ZNF611: variants seen among roughly 807,000 people sequenced by gnomAD.
ZNF611 encodes the protein zinc finger protein 611.
ZNF611 carries 6 observed loss-of-function variants against 8.9 expected under a neutral mutation model. The observed-to-expected ratio is 0.68, with a 90% CI of 0.37 to 1.34. The LOEUF is 1.34. Among genes scored for constraint, ZNF611 ranks in the 40% most tolerant of loss-of-function variants. ZNF611 has a pLI of 0.02. For synonymous variants in ZNF611, 262 were observed against 279.7 expected (o/e 0.94, Z 0.63); for missense variants, 874 against 841.3 (o/e 1.04, Z -0.48).
At chr19:52,721,504 C>A (rs956277133) in intron 3 of ZNF611, among the ~76,000 whole-genome samples, 1 of 152,232 alleles carries the variant, frequency 6.6e-6, no homozygotes, top group African/African-American at 2.4e-5. Flanking sequence ...CATGGCGAAA[C>A]CCCGTCTCCA....
At position 52,705,722 on chromosome 19, in the gene ZNF611, G is replaced by A. The variant is rs1356239157; in HGVS notation, c.1333C>T (p.His445Tyr). 6.2e-7 allele frequency: 1 copy of A among 1,613,892 alleles called. No homozygotes were observed. Among genetic ancestry groups the A allele is most frequent in the African/African-American group, 1.3e-5 (1 of 74,900 alleles). Residue 445 changes from histidine to tyrosine, a missense_variant, in exon 6 of 6, where the codon CAT (histidine) becomes TAT (tyrosine). Transcript: ENST00000652185. The stretch of plus-strand genomic sequence containing the variant: ...GATTTCTCTCCACCATGAAGTCTAT[G>A]ATGGCATACAAGGGATGACTTGTGA... ...FSHKSSLVCHHRLHGGEKSYK... is the reference protein window; with the variant it reads ...FSHKSSLVCHYRLHGGEKSYK...
At chr19:52,711,348 A>G (rs2062278393) in intron 5 of ZNF611, 1 of 118,814 alleles carries the variant, frequency 8.4e-6, no homozygotes, top group Admixed American at 7.7e-5. Context: ...AAACAAAACT[A>G]AACAAAAAAC....
At chr19:52,711,778 G>A (rs1017655178) in intron 5 of ZNF611, among the ~76,000 whole-genome samples, 12 of 152,148 alleles carry the variant, frequency 7.9e-5, no homozygotes, top group African/African-American at 2.9e-4. Context: ...TAGTGTTGGA[G>A]GGGAGGGGCT....
chr19:52,727,232 C>T (rs2062398767), intron 3 of ZNF611, among the ~76,000 whole-genome samples: 1 of 151,824 alleles, frequency 6.6e-6, no homozygotes, highest in African/African-American at 2.4e-5. Flanking sequence ...AGAGTCTTGC[C>T]CCAAATGAGA....
At chr19:52,715,957 C>T in intron 3 of ZNF611, 44 bp from the exon 4 acceptor site, 5 of 1,604,550 alleles carry the variant, frequency 3.1e-6, no homozygotes, top group Non-Finnish European at 4.3e-6. Context: ...AAATGACTCA[C>T]TCCCTTCCTG....
rs138221298 is a variant in ZNF611, at chr19:52,707,915, G to A, written c.191-1051C>T. On this transcript the variant is annotated intron_variant, in intron 5 of 5. Coordinates refer to ENST00000652185, the MANE Select transcript of ZNF611 (RefSeq NM_001161499.2). ...CAAAGTTCTGGGATTACAGGTGTGA[G>A]CCACTGCACCTGGTGGCACTTTGTG... Among the ~76,000 whole-genome samples, 406 of 152,152 alleles carry A rather than the reference G, an allele frequency of 2.7e-3. 2 individuals carry two copies. Among genetic ancestry groups the A allele is most frequent in the African/African-American group, 8.8e-3 (367 of 41,522 alleles).
intron 1 of ZNF611, among the ~76,000 whole-genome samples, chr19:52,733,968 C>T: frequency 6.6e-6 from 1 of 151,804 alleles, no homozygotes; most frequent in African/African-American, 2.4e-5. Flanking sequence ...CCCCAGATCC[C>T]AGCTGTCCTC....
At position 52,734,062 on chromosome 19, in the gene ZNF611, CCTCA is replaced by C. The variant is rs373948248; in HGVS notation, c.-222+935_-222+938del. On this transcript the variant is annotated intron_variant, in intron 1 of 5. Transcript: ENST00000652185. The stretch of plus-strand genomic sequence containing the variant: ...CTGGCTCCAAATCCTTCCCTCTCTC[CCTCA>C]CTCTGATGAGTCTCCCTCTTTGCTG... 1.8e-3 allele frequency among the ~76,000 whole-genome samples: 267 copies of C among 152,084 alleles called. 2 individuals carry two copies. The Middle Eastern group carries it at 0.02, about 12-fold the overall frequency.
chr19:52,725,779 A>T (rs778344951), intron 3 of ZNF611, among the ~76,000 whole-genome samples: 3 of 152,182 alleles, frequency 2.0e-5, no homozygotes, highest in Non-Finnish European at 2.9e-5. Context: ...TGCGCAGGAC[A>T]GAAGCCAGTC....
In ZNF611 at chr19:52,705,362, G is replaced by A. The variant is rs1173603227; in HGVS notation, c.1693C>T (p.Pro565Ser). Residue 565 changes from proline to serine, a missense_variant, in exon 6 of 6, where the codon CCT (proline) becomes TCT (serine). Coordinates refer to ENST00000652185, the MANE Select transcript of ZNF611 (RefSeq NM_001161499.2). ...TTGCTGCACTCATTACACTTGTAAG[G>A]TTTCTCTCCACTATGAATTCTAGTA... The part of the protein sequence containing the change: ...KHTRIHSGEK[P>S]YKCNECSKTF... The A allele has an allele frequency of 3.1e-6, 5 of 1,613,706 alleles. No homozygotes were observed. The African/African-American group carries it at 6.7e-5, about 22-fold the overall frequency.
chr19:52,724,623 CTCTTA>C (rs1443111346), intron 3 of ZNF611: 28 of 152,132 alleles, frequency 1.8e-4, no homozygotes, highest in African/African-American at 6.3e-4. Flanking sequence ...ACCGCCTCTT[CTCTTA>C]TCTCTCCATC....
intron 4 of ZNF611, 119 bp from the exon 5 acceptor site, chr19:52,714,260 G>T: frequency 2.0e-6 from 3 of 1,509,288 alleles, no homozygotes; most frequent in Non-Finnish European, 2.6e-6. Flanking sequence ...CTGACAAAAG[G>T]ATGTTAAGGT....
At position 52,703,608 on chromosome 19, in the gene ZNF611, TTGAGATAGA is replaced by T. The variant is rs2062219407; in HGVS notation, c.*1320_*1328del. The T allele has an allele frequency of 6.6e-6, 1 of 150,424 alleles. No homozygotes were observed. The highest frequency in any genetic ancestry group is 2.1e-4 in the South Asian group (1 of 4,736). 9.3% of individuals were successfully genotyped at this position (150,424 alleles called of 1,614,324 possible). ...GATATCCTTTTTTTTTTTTTTTTTT[TTGAGATAGA>T]CTCTCACTCTGTCGCCCAGGCTGGA... On this transcript the variant is annotated 3_prime_UTR_variant, in exon 6 of 6. Transcript: ENST00000652185.
chr19:52,726,178 T>C (rs1173997132), intron 3 of ZNF611, among the ~76,000 whole-genome samples: 3 of 152,116 alleles, frequency 2.0e-5, no homozygotes, highest in African/African-American at 7.2e-5. Context: ...CCTAGAGCCT[T>C]TGCTTGGGAT....
At position 52,706,722 on chromosome 19, in the gene ZNF611, A is replaced by G. The variant is rs760399121; in HGVS notation, c.333T>C (p.His111=). Residue 111 remains histidine, a synonymous_variant, in exon 6 of 6, where the codon CAT becomes CAC. Transcript: ENST00000652185. ...CTTCTTGACACTGAAACTCAATGTC[A>G]TGAATTTCTTTCTCAATTTCCTGGA... ...FCFQEIEKEI[H]DIEFQCQEDE... 4 of 1,614,126 alleles carry G rather than the reference A, an allele frequency of 2.5e-6. No individual in the cohort carries two copies. In the South Asian group the frequency reaches 4.4e-5, roughly 18 times the overall value.
At chr19:52,727,912 T>TG (rs112966625) in intron 3 of ZNF611, among the ~76,000 whole-genome samples, 4,777 of 148,946 alleles carry the variant, frequency 0.032, 260 homozygotes, top group African/African-American at 0.11. Context: ...TGTGCCTTTT[T>TG]TTTTTTTTTT....
chr19:52,725,163 C>T (rs1442503003), intron 3 of ZNF611, among the ~76,000 whole-genome samples: 2 of 152,252 alleles, frequency 1.3e-5, no homozygotes, highest in South Asian at 2.1e-4. Flanking sequence ...CAAGAACACC[C>T]GGTGTCATAG....
At chr19:52,723,999 G>A (rs1045637738) in intron 3 of ZNF611, 1 of 152,316 alleles carries the variant, frequency 6.6e-6, no homozygotes. Context: ...TCTGTAAACA[G>A]AACATACGAT....
Position 52,705,901 on chromosome 19 carries a change from A to G in ZNF611, c.1154T>C (p.Ile385Thr), listed in dbSNP as rs778043543. 5 of 1,614,142 alleles carry G rather than the reference A, an allele frequency of 3.1e-6. No homozygotes were observed. Among genetic ancestry groups the G allele is most frequent in the South Asian group, 2.2e-5 (2 of 91,072 alleles). The change falls in exon 6 of 6, where the codon ATT (isoleucine) becomes ACT (threonine). Residue 385 changes from isoleucine (I) to threonine (T), a missense_variant. Transcript: ENST00000652185. ...AGTATGAATTCTCTTATGTGTCTCA[A>G]TGGTTGATTTCCGACTGAAAACTTT... ...CDKVFSRKST[I>T]ETHKRIHTGE...
Sources: allele counts gnomAD v4.1 joint callset (sites outside exome capture counted in the v4.1 genomes callset), GRCh38; gene constraint gnomAD v4.1.1; transcripts MANE v1.5; gene names NCBI Gene and HGNC (gene_info 2026-07-23, HGNC 2026-07-21).